The following ATP10B variants were observed in gnomAD, a reference collection of about 807,000 sequenced individuals.
The protein encoded by ATP10B is ATPase phospholipid transporting 10B (putative).
In ATP10B, 122 loss-of-function variants were observed where a neutral mutation model predicts 141.2. That is an observed-to-expected ratio of 0.86 (90% CI 0.75 to 1.00). ATP10B has a LOEUF of 1.00. Ranked by LOEUF, ATP10B falls within the 50% of genes least tolerant of loss-of-function variation. The pLI is 0.00. For synonymous variants in ATP10B, 685 were observed against 692.0 expected (o/e 0.99, Z 0.16); for missense variants, 1,876 against 1,825.3 (o/e 1.03, Z -0.51).
Position 160,607,033 on chromosome 5 carries a change from A to T in ATP10B, c.2892T>A (p.Arg964=), listed in dbSNP as rs907284074. Residue 964 remains arginine (R), a synonymous_variant, in exon 19 of 26, where the codon CGT becomes CGA. Coordinates refer to ENST00000327245, the MANE Select transcript of ATP10B (RefSeq NM_025153.3). ...GCTTGCGGTCTGGCTTCTGTAGTTC[A>T]CGAAATTGCTTTAGCTCTTCCAATG... is the stretch of plus-strand genomic sequence containing the variant. ...NCALEELKQF[R]ELQKPDRKLF... is the part of the protein sequence containing the mutation. 6.2e-7 allele frequency: 1 copy of T among 1,614,108 alleles called. No individual in the cohort carries two copies. Among genetic ancestry groups the T allele is most frequent in the Non-Finnish European group, 8.5e-7 (1 of 1,180,010 alleles).
At chr5:160,724,071 T>G (rs975200148) in intron 2 of ATP10B, among the ~76,000 whole-genome samples, 3 of 151,936 alleles carry the variant, frequency 2.0e-5, no homozygotes, top group African/African-American at 7.3e-5. Flanking sequence ...GGGAACTAAA[T>G]GATGAGAACA....
Position 160,687,885 on chromosome 5 carries a change from T to C in ATP10B, c.190A>G (p.Arg64Gly), listed in dbSNP as rs772623326. 3.1e-6 allele frequency: 5 copies of C among 1,614,202 alleles called. No homozygotes were observed. The highest frequency in any genetic ancestry group is 1.3e-5 in the African/African-American group (1 of 75,060). Reference sequence around the variant, plus strand: ...CAGGTTCTGTTGCCAGGGTATCTCCTGGAGACCTCTTCCCAATCTTGATGG... The same window carrying C: ...CAGGTTCTGTTGCCAGGGTATCTCCCGGAGACCTCTTCCCAATCTTGATGG... ...IFHQDWEEVSRRYPGNRTCTT... is the reference protein window; with the variant it reads ...IFHQDWEEVSGRYPGNRTCTT... The change falls in exon 5 of 26, where the codon AGG becomes GGG. Residue 64 changes from arginine (R) to glycine (G), a missense_variant. Transcript: ENST00000327245.
chr5:160,743,054 G>A (rs1767583989), intron 2 of ATP10B, among the ~76,000 whole-genome samples: 1 of 152,184 alleles, frequency 6.6e-6, no homozygotes, highest in Admixed American at 6.5e-5. Context: ...TATATGCATA[G>A]TACTTTACTA....
At chr5:160,619,962 G>C (rs1758231251) in intron 15 of ATP10B, among the ~76,000 whole-genome samples, 1 of 152,160 alleles carries the variant, frequency 6.6e-6, no homozygotes, top group Non-Finnish European at 1.5e-5. Context: ...TTCTTTCTAA[G>C]TTGAGTGTGC....
chr5:160,896,587 G>A, the ATP10B span, among the ~76,000 whole-genome samples: 1 of 152,168 alleles, frequency 6.6e-6, no homozygotes, highest in Non-Finnish European at 1.5e-5. Flanking sequence ...AGGACCAGAT[G>A]GATTCACAGC....
intron 7 of ATP10B, among the ~76,000 whole-genome samples, chr5:160,658,090 A>G (rs1454237039): frequency 1.3e-5 from 2 of 152,252 alleles, no homozygotes; most frequent in African/African-American, 2.4e-5. Context: ...TCAAGAAACT[A>G]TATTAAGTTG....
chr5:160,626,372 A>G (rs760083848), intron 13 of ATP10B, among the ~76,000 whole-genome samples: 1 of 152,214 alleles, frequency 6.6e-6, no homozygotes, highest in Non-Finnish European at 1.5e-5. Context: ...CTGAGAATGC[A>G]TAGCATAACA....
intron 2 of ATP10B, among the ~76,000 whole-genome samples, chr5:160,724,044 T>C (rs1357839069): frequency 6.6e-6 from 1 of 152,180 alleles, no homozygotes; most frequent in Non-Finnish European, 1.5e-5. Context: ...AATCACTGCA[T>C]GTTCTCATTT....
At chr5:160,853,701 A>G (rs1020077301), upstream of ATP10B, among the ~76,000 whole-genome samples, 1 of 152,182 alleles carries the variant, frequency 6.6e-6, no homozygotes, top group African/African-American at 2.4e-5. Context: ...GTAAATACTA[A>G]CAGACATATG....
intron 2 of ATP10B, among the ~76,000 whole-genome samples, chr5:160,770,542 AATTT>A (rs896697227): frequency 3.6e-4 from 55 of 152,268 alleles, no homozygotes; most frequent in African/African-American, 1.2e-3. Context: ...GGTAGCTCCC[AATTT>A]ATTTATTCAG....
At chr5:160,671,825 C>T (rs1319600316) in intron 6 of ATP10B, among the ~76,000 whole-genome samples, 2 of 152,026 alleles carry the variant, frequency 1.3e-5, no homozygotes, top group African/African-American at 2.4e-5. Flanking sequence ...TTCAAAGTCT[C>T]ACAAAAACAG....
At chr5:160,622,323 C>T (rs940024844) in intron 14 of ATP10B, 71 bp downstream of exon 14, 3 of 1,458,152 alleles carry the variant, frequency 2.1e-6, no homozygotes, top group African/African-American at 1.4e-5. Context: ...GAACTTCTCC[C>T]CTCGCCCCTA....
intron 1 of ATP10B, among the ~76,000 whole-genome samples, chr5:160,793,268 C>T (rs543877492): frequency 6.6e-6 from 1 of 151,990 alleles, no homozygotes; most frequent in Non-Finnish European, 1.5e-5. Context: ...CATGCATTTC[C>T]TAGCTGACTA....
chr5:160,814,753 T>C (rs1169839440), intron 1 of ATP10B, among the ~76,000 whole-genome samples: 3 of 152,006 alleles, frequency 2.0e-5, no homozygotes, highest in African/African-American at 4.8e-5. Context: ...AGGTTACCCA[T>C]AAAGGAAAGC....
chr5:160,684,547 GGTTAAGAGGA>G (rs1763633518), intron 6 of ATP10B, among the ~76,000 whole-genome samples: 2 of 152,120 alleles, frequency 1.3e-5, no homozygotes, highest in Admixed American at 6.6e-5. Context: ...GGCCACACTG[GGTTAAGAGGA>G]GATGAGAATA....
intron 2 of ATP10B, among the ~76,000 whole-genome samples, chr5:160,749,748 A>G (rs1459092222): frequency 6.6e-6 from 1 of 152,176 alleles, no homozygotes; most frequent in African/African-American, 2.4e-5. Flanking sequence ...GAAGAGTTTA[A>G]CACTGGACTT....
At chr5:160,857,293 AT>A in the ATP10B span, among the ~76,000 whole-genome samples, 956 of 144,966 alleles carry the variant, frequency 6.6e-3, 12 homozygotes, top group African/African-American at 0.022. Flanking sequence ...GGTAGTTTGT[AT>A]TTTTTTTTTT....
chr5:160,823,001 C>CATATATATATACATATATATATAT (rs1774261284), intron 1 of ATP10B, among the ~76,000 whole-genome samples: 1 of 34,478 alleles, frequency 2.9e-5, no homozygotes, highest in African/African-American at 9.3e-5. Context: ...TATATATATA[C>CATATATATATACATATATATATAT]ATATATATAT....
At chr5:160,797,209 A>G (rs1772009752) in intron 1 of ATP10B, among the ~76,000 whole-genome samples, 1 of 152,142 alleles carries the variant, frequency 6.6e-6, no homozygotes, top group Non-Finnish European at 1.5e-5. Flanking sequence ...CTGGGCTCAG[A>G]TACCCACTGC....
Sources: gnomAD v4.1 joint callset for allele counts (sites outside exome capture counted in the v4.1 genomes callset) on GRCh38, gnomAD v4.1.1 for gene constraint, MANE v1.5 for transcripts, NCBI Gene and HGNC (gene_info 2026-07-23, HGNC 2026-07-21) for gene names.